GSK3B: variants seen among roughly 807,000 people sequenced by gnomAD.
The protein encoded by GSK3B is glycogen synthase kinase-3 beta.
In GSK3B, 15 loss-of-function variants were observed where a neutral mutation model predicts 56.4. The ratio of observed to expected loss-of-function variants is 0.27; its 90% CI spans 0.18 to 0.41. The LOEUF is 0.41. Among genes scored for constraint, GSK3B ranks in the 10% least tolerant of loss-of-function variants. The pLI, the probability that GSK3B is intolerant of heterozygous loss-of-function variation, is 1.00. For missense variants in GSK3B, 300 were observed against 513.4 expected (o/e 0.58, Z 4.02); for synonymous variants, 181 against 188.9 (o/e 0.96, Z 0.34).
chr3:120,021,786 G>A (rs1400556325), intron 1 of GSK3B, among the ~76,000 whole-genome samples: 1 of 152,204 alleles, frequency 6.6e-6, no homozygotes, highest in African/African-American at 2.4e-5. Context: ...TGTACTCCTG[G>A]TGAATATGCT....
chr3:119,906,248 G>A (rs1320416636), intron 6 of GSK3B, among the ~76,000 whole-genome samples: 2 of 152,042 alleles, frequency 1.3e-5, no homozygotes, highest in Non-Finnish European at 2.9e-5. Flanking sequence ...GCAAGGAAAG[G>A]TTCAATCTCT....
intron 1 of GSK3B, among the ~76,000 whole-genome samples, chr3:120,021,031 A>C (rs1298102286): frequency 6.6e-6 from 1 of 152,204 alleles, no homozygotes; most frequent in Non-Finnish European, 1.5e-5. Context: ...GGCCGACAGA[A>C]GCCTTCAAGG....
At chr3:119,853,006 T>C (rs998614226) in intron 9 of GSK3B, among the ~76,000 whole-genome samples, 19 of 152,240 alleles carry the variant, frequency 1.2e-4, no homozygotes, top group Non-Finnish European at 2.9e-5. Flanking sequence ...CCCATGCCTA[T>C]GTCCTGAATG....
intron 3 of GSK3B, among the ~76,000 whole-genome samples, chr3:119,925,818 A>G (rs1279967896): frequency 6.6e-6 from 1 of 152,164 alleles, no homozygotes; most frequent in Non-Finnish European, 1.5e-5. Context: ...TTTCTCCAAC[A>G]GAATTTCACT....
At chr3:119,934,199 A>G (rs2056972423) in intron 3 of GSK3B, among the ~76,000 whole-genome samples, 2 of 150,150 alleles carry the variant, frequency 1.3e-5, no homozygotes, top group Middle Eastern at 3.4e-3. Flanking sequence ...AAGAGTGGGG[A>G]AAAGAGTAAT....
At chr3:119,864,491 C>T (rs2056150251) in intron 8 of GSK3B, among the ~76,000 whole-genome samples, 1 of 152,046 alleles carries the variant, frequency 6.6e-6, no homozygotes, top group Non-Finnish European at 1.5e-5. Flanking sequence ...AGACGAGAAG[C>T]CTTTGAAATT....
chr3:119,977,828 A>G (rs1389051725), intron 2 of GSK3B, among the ~76,000 whole-genome samples: 4 of 152,218 alleles, frequency 2.6e-5, no homozygotes, highest in African/African-American at 9.6e-5. Flanking sequence ...CTTAAGAATA[A>G]AAACAAAGAG....
At chr3:119,960,409 A>T (rs1265220758) in intron 2 of GSK3B, among the ~76,000 whole-genome samples, 3 of 152,106 alleles carry the variant, frequency 2.0e-5, no homozygotes, top group Admixed American at 1.3e-4. Context: ...TATGCATGTA[A>T]TAAAAAAAAA....
chr3:119,961,632 CAAAAA>C (rs1211316414), intron 2 of GSK3B, among the ~76,000 whole-genome samples: 1 of 95,866 alleles, frequency 1.0e-5, no homozygotes, highest in Non-Finnish European at 2.4e-5. Flanking sequence ...GTCTCACAAA[CAAAAA>C]AAAAAAAAAA....
At chr3:119,926,365 C>T (rs1284258168) in intron 3 of GSK3B, among the ~76,000 whole-genome samples, 1 of 151,436 alleles carries the variant, frequency 6.6e-6, no homozygotes, top group Non-Finnish European at 1.5e-5. Context: ...CCCCTATACC[C>T]ACACATACAC....
chr3:119,988,084 CA>C (rs2057532741), intron 2 of GSK3B, among the ~76,000 whole-genome samples: 2 of 152,110 alleles, frequency 1.3e-5, no homozygotes, highest in South Asian at 4.1e-4. Context: ...AAAGCTCTAA[CA>C]GGTGCTCTTA....
chr3:119,932,312 G>T (rs1348868688), intron 3 of GSK3B, among the ~76,000 whole-genome samples: 7 of 152,142 alleles, frequency 4.6e-5, no homozygotes, highest in African/African-American at 1.4e-4. Context: ...TGATGGGTAC[G>T]CCAGGCTGGC....
At chr3:119,953,816 T>C (rs908386200) in intron 2 of GSK3B, among the ~76,000 whole-genome samples, 1 of 152,154 alleles carries the variant, frequency 6.6e-6, no homozygotes, top group Non-Finnish European at 1.5e-5. Context: ...ATCCTTTAAG[T>C]TCCTATTTAA....
At chr3:119,907,547 TG>T (rs1415767398) in intron 6 of GSK3B, among the ~76,000 whole-genome samples, 1 of 152,104 alleles carries the variant, frequency 6.6e-6, no homozygotes, top group Admixed American at 6.6e-5. Flanking sequence ...AAAGGACAAA[TG>T]GATGAAATTC....
rs760657459 is a variant in GSK3B at position 119,863,513 on chromosome 3, A to C, written c.1002T>G (p.Ala334=). The stretch of plus-strand genomic sequence containing the variant: ...ATTCATCAAAAAATGAATGTGCACA[A>C]GCTTCCAGTGGTGTTAGTCGGGCAG... ...TPTARLTPLE[A]CAHSFFDELR... is the part of the protein sequence containing the mutation. Residue 334 remains alanine, a synonymous_variant, in exon 9 of 11, where the codon GCT becomes GCG. Transcript: ENST00000264235. 34 of 1,613,638 alleles carry C rather than the reference A, an allele frequency of 2.1e-5. No homozygotes were observed. The highest frequency in any genetic ancestry group is 2.7e-5 in the African/African-American group (2 of 74,932).
Position 120,094,288 on chromosome 3 carries a change from T to A in GSK3B, c.-854A>T, listed in dbSNP as rs2058544709. ...CCCCTCGGCTCTGCTCGGTGCCCGC[T>A]CAGGAAGTGTCCGCGCTTTGCCCCA... On this transcript the variant is annotated 5_prime_UTR_variant, in exon 1 of 11. Transcript: ENST00000264235. 4.3e-6 allele frequency: 1 copy of A among 230,332 alleles called. No homozygotes were observed. Among genetic ancestry groups the A allele is most frequent in the Non-Finnish European group, 8.6e-6 (1 of 115,814 alleles). The allele number at this position is 230,332 out of a possible 1,614,324, so 14.3% of individuals were successfully genotyped here.
intron 1 of GSK3B, among the ~76,000 whole-genome samples, chr3:120,065,766 A>T (rs1200501569): frequency 6.6e-6 from 1 of 152,254 alleles, no homozygotes; most frequent in Non-Finnish European, 1.5e-5. Flanking sequence ...AATATTATTC[A>T]GCCATAAACA....
chr3:119,889,643 G>C (rs576563626), intron 7 of GSK3B, among the ~76,000 whole-genome samples: 1 of 152,124 alleles, frequency 6.6e-6, no homozygotes, highest in African/African-American at 2.4e-5. Context: ...CAGAGCAAAG[G>C]AAAGATGGGA....
chr3:119,904,958 GTTTTT>G (rs74674739), intron 7 of GSK3B, among the ~76,000 whole-genome samples: 1 of 137,796 alleles, frequency 7.3e-6, no homozygotes, highest in Non-Finnish European at 1.6e-5. Flanking sequence ...TAGACACTAG[GTTTTT>G]TTTTTTTTTT....
Sources: gnomAD v4.1 joint callset for allele counts (sites outside exome capture counted in the v4.1 genomes callset) on GRCh38, gnomAD v4.1.1 for gene constraint, MANE v1.5 for transcripts, NCBI Gene and HGNC (gene_info 2026-07-23, HGNC 2026-07-21) for gene names.